Variants in ASTN2 observed in about 807,000 individuals in gnomAD.
The protein encoded by ASTN2 is astrotactin 2.
In ASTN2, 54 loss-of-function variants were observed where a neutral mutation model predicts 139.8. The observed-to-expected ratio is 0.39, with a 90% CI of 0.31 to 0.48. ASTN2 has a LOEUF of 0.48. Ranked by LOEUF, ASTN2 falls within the 20% of genes least tolerant of loss-of-function variation. The pLI, the probability that ASTN2 is intolerant of heterozygous loss-of-function variation, is 0.95. For missense variants in ASTN2, 1,565 were observed against 1,725.1 expected, an observed-to-expected ratio of 0.91 and a Z score of 1.64; for synonymous variants, 756 against 719.5, an observed-to-expected ratio of 1.05 and a Z score of -0.81.
intron 12 of ASTN2, among the ~76,000 whole-genome samples, chr9:116,806,204 T>G (rs1193206502): frequency 6.6e-6 from 1 of 152,190 alleles, no homozygotes; most frequent in African/African-American, 2.4e-5. Context: ...CAACCAAGGT[T>G]GAAGACTGTA....
At chr9:116,597,307 T>TTTTTTTTTG (rs2131745531) in intron 19 of ASTN2, among the ~76,000 whole-genome samples, 1 of 139,772 alleles carries the variant, frequency 7.2e-6, no homozygotes, top group Non-Finnish European at 1.5e-5. Context: ...CTATTTTTTT[T>TTTTTTTTTG]TTTTTTTTTT....
intron 10 of ASTN2, among the ~76,000 whole-genome samples, chr9:116,887,448 T>G (rs1343427113): frequency 2.0e-5 from 3 of 151,186 alleles, no homozygotes; most frequent in East Asian, 4.0e-4. Context: ...ACAACCAGCC[T>G]AGGAAAAAAA....
At chr9:117,157,366 G>A (rs1008274520) in intron 3 of ASTN2, among the ~76,000 whole-genome samples, 3 of 151,984 alleles carry the variant, frequency 2.0e-5, no homozygotes, top group South Asian at 2.1e-4. Flanking sequence ...CATCCAGGTG[G>A]CATTTCAGAG....
chr9:116,971,184 T>G (rs1836184858), intron 10 of ASTN2, among the ~76,000 whole-genome samples: 1 of 152,170 alleles, frequency 6.6e-6, no homozygotes, highest in African/African-American at 2.4e-5. Context: ...CAGCTAGAGA[T>G]TTGCTCTTCC....
At chr9:116,602,860 G>A (rs1054863231) in intron 19 of ASTN2, among the ~76,000 whole-genome samples, 1 of 151,786 alleles carries the variant, frequency 6.6e-6, no homozygotes, top group African/African-American at 2.4e-5. Context: ...AGCCAGGGAG[G>A]CAGAGGTTAC....
Position 116,975,218 on chromosome 9 carries a change from C to T in ASTN2, c.1879G>A (p.Ala627Thr), listed in dbSNP as rs1331725220. Residue 627 changes from alanine to threonine, a missense_variant, in exon 10 of 23, where the codon GCA (alanine) becomes ACA (threonine). By Grantham distance (58) the Ala-to-Thr change is moderately conservative. This residue lies in a region of ASTN2 where 503 missense variants were observed against 591.7 expected (regional missense o/e 0.85). Coordinates refer to ENST00000313400, the MANE Select transcript of ASTN2 (RefSeq NM_001365068.1). ...GAGATGATTCCCTACCTGACATCTG[C>T]AGGGTCTTCCGTGACGAGCACATCG... is the stretch of plus-strand genomic sequence containing the variant. Reference protein sequence around the residue: ...KTDVLVTEDPADVREEAMLST... With the variant: ...KTDVLVTEDPTDVREEAMLST... 2.5e-6 allele frequency: 4 copies of T among 1,610,598 alleles called. No individual in the cohort carries two copies. Among genetic ancestry groups the T allele is most frequent in the Non-Finnish European group, 3.4e-6 (4 of 1,178,308 alleles).
chr9:116,877,939 C>T (rs753999544), intron 10 of ASTN2, among the ~76,000 whole-genome samples: 7 of 151,932 alleles, frequency 4.6e-5, no homozygotes, highest in African/African-American at 1.7e-4. Flanking sequence ...TTCATGTGGC[C>T]AACAAACATA....
intron 11 of ASTN2, among the ~76,000 whole-genome samples, chr9:116,840,680 A>C (rs1223009184): frequency 1.2e-5 from 1 of 82,274 alleles, no homozygotes; most frequent in East Asian, 2.7e-4. Context: ...TGCCAGGCAG[A>C]GGGTCTCCTC....
At chr9:116,892,475 G>C (rs1833784828) in intron 10 of ASTN2, among the ~76,000 whole-genome samples, 1 of 152,172 alleles carries the variant, frequency 6.6e-6, no homozygotes. Flanking sequence ...GTGAGAGTGG[G>C]TGGGGTGGCT....
intron 16 of ASTN2, chr9:116,700,188 A>G (rs908462619): frequency 1.5e-5 from 3 of 204,994 alleles, no homozygotes; most frequent in Non-Finnish European, 3.3e-5. Context: ...TTTCAGTGAC[A>G]TTTAAGACAT....
chr9:116,968,966 G>T (rs1374080249), intron 10 of ASTN2, among the ~76,000 whole-genome samples: 1 of 151,240 alleles, frequency 6.6e-6, no homozygotes, highest in Non-Finnish European at 1.5e-5. Flanking sequence ...CCTGTGCCTT[G>T]CCCATGAATA....
chr9:117,294,166 A>C (rs1834669512), intron 1 of ASTN2, among the ~76,000 whole-genome samples: 1 of 152,244 alleles, frequency 6.6e-6, no homozygotes, highest in African/African-American at 2.4e-5. Flanking sequence ...CCTAGCTAGA[A>C]CCAGTGGATT....
chr9:117,280,216 T>A (rs1834292667), intron 2 of ASTN2, among the ~76,000 whole-genome samples: 1 of 152,168 alleles, frequency 6.6e-6, no homozygotes, highest in African/African-American at 2.4e-5. Flanking sequence ...AGAAATGACA[T>A]TGTCCTTATC....
chr9:117,299,350 G>A (rs1834818830), intron 1 of ASTN2, among the ~76,000 whole-genome samples: 1 of 152,138 alleles, frequency 6.6e-6, no homozygotes, highest in Non-Finnish European at 1.5e-5. Context: ...CTGTCCTCAG[G>A]AGCTTAGTCC....
chr9:116,561,139 T>C (rs896356230), intron 19 of ASTN2, among the ~76,000 whole-genome samples: 1 of 152,104 alleles, frequency 6.6e-6, no homozygotes, highest in Non-Finnish European at 1.5e-5. Context: ...ACTCATCCCA[T>C]GAGCACAAAT....
intron 1 of ASTN2, among the ~76,000 whole-genome samples, chr9:117,396,777 G>A (rs773931426): frequency 2.0e-4 from 31 of 152,084 alleles, no homozygotes; most frequent in Admixed American, 9.2e-4. Context: ...TGTTGGCAAA[G>A]CTGGTCTCAA....
At chr9:117,381,099 G>A (rs934895595) in intron 1 of ASTN2, among the ~76,000 whole-genome samples, 6 of 152,196 alleles carry the variant, frequency 3.9e-5, no homozygotes, top group African/African-American at 9.6e-5. Flanking sequence ...CAATATGGAT[G>A]AACTTTGAAA....
intron 10 of ASTN2, among the ~76,000 whole-genome samples, chr9:116,894,905 G>T (rs898979959): frequency 1.3e-5 from 2 of 152,180 alleles, no homozygotes; most frequent in South Asian, 2.1e-4. Flanking sequence ...TAGATACTAT[G>T]ATGTAGAAGC....
At chr9:116,815,760 G>A (rs550135145) in intron 12 of ASTN2, among the ~76,000 whole-genome samples, 14 of 117,064 alleles carry the variant, frequency 1.2e-4, no homozygotes, top group African/African-American at 2.3e-4. Flanking sequence ...AGTGGAGATC[G>A]CCCCACTGCA....
Sources: allele counts gnomAD v4.1 joint callset (sites outside exome capture counted in the v4.1 genomes callset), GRCh38; gene constraint gnomAD v4.1.1; regional missense constraint gnomAD v4.1.1; transcripts MANE v1.5; gene names NCBI Gene and HGNC (gene_info 2026-07-23, HGNC 2026-07-21).